Variants in IMMP2L observed in about 807,000 individuals in gnomAD.
IMMP2L encodes the protein mitochondrial inner membrane protease subunit 2.
IMMP2L carries 18 observed loss-of-function variants against 19.3 expected under a neutral mutation model. The ratio of observed to expected loss-of-function variants is 0.93; its 90% CI spans 0.64 to 1.38. The LOEUF (loss-of-function observed/expected upper bound fraction) is 1.38. IMMP2L is among the 40% of genes most tolerant of loss of function. The pLI is 0.00. For missense variants in IMMP2L, 233 were observed against 218.2 expected, an observed-to-expected ratio of 1.07 and a Z score of -0.43; for synonymous variants, 76 against 73.0, an observed-to-expected ratio of 1.04 and a Z score of -0.21.
intron 5 of IMMP2L, among the ~76,000 whole-genome samples, chr7:110,741,318 A>G (rs890761962): frequency 6.6e-6 from 1 of 152,254 alleles, no homozygotes; most frequent in Non-Finnish European, 1.5e-5. Context: ...AAAATAAAAT[A>G]CAAATAAATT....
At chr7:111,335,772 G>A (rs545050244) in intron 3 of IMMP2L, among the ~76,000 whole-genome samples, 12 of 152,188 alleles carry the variant, frequency 7.9e-5, no homozygotes, top group East Asian at 5.8e-4. Context: ...ATTGTAAATC[G>A]TTTAAAGGTG....
chr7:111,146,219 A>G (rs183374961), intron 3 of IMMP2L, among the ~76,000 whole-genome samples: 3 of 130,870 alleles, frequency 2.3e-5, no homozygotes, highest in African/African-American at 8.5e-5. Context: ...ATGGTTTTTT[A>G]TGAGGAAGGA....
At chr7:111,098,692 TAA>T (rs1446120536) in intron 3 of IMMP2L, among the ~76,000 whole-genome samples, 1 of 151,756 alleles carries the variant, frequency 6.6e-6, no homozygotes, top group Non-Finnish European at 1.5e-5. Flanking sequence ...ACGACCGTAC[TAA>T]GTAAGCGCTA....
At chr7:110,937,246 A>C (rs990659009) in intron 4 of IMMP2L, among the ~76,000 whole-genome samples, 3 of 152,148 alleles carry the variant, frequency 2.0e-5, no homozygotes, top group Non-Finnish European at 4.4e-5. Context: ...AAAGCCAAAA[A>C]TAAAAGTGCA....
At chr7:110,712,565 T>C (rs1269352411) in intron 5 of IMMP2L, among the ~76,000 whole-genome samples, 1 of 28,210 alleles carries the variant, frequency 3.5e-5, no homozygotes, top group African/African-American at 1.6e-4. Flanking sequence ...GCTGCTTTGT[T>C]TACCTAAGCA....
At chr7:111,055,012 T>C (rs1793367355) in intron 3 of IMMP2L, among the ~76,000 whole-genome samples, 1 of 139,144 alleles carries the variant, frequency 7.2e-6, no homozygotes, top group East Asian at 2.5e-4. Flanking sequence ...CTCCCACCCA[T>C]CCCTTTCTCT....
At chr7:111,532,648 A>G (rs1847507706) in intron 1 of IMMP2L, 1 of 152,178 alleles carries the variant, frequency 6.6e-6, no homozygotes. Flanking sequence ...GAAAAATACA[A>G]TTTAACCAGC....
chr7:110,914,231 T>C (rs936682161), intron 4 of IMMP2L, among the ~76,000 whole-genome samples: 1 of 152,174 alleles, frequency 6.6e-6, no homozygotes, highest in Non-Finnish European at 1.5e-5. Context: ...AGGATCCTGA[T>C]CTCACTCGTT....
intron 3 of IMMP2L, among the ~76,000 whole-genome samples, chr7:111,222,915 G>C (rs1253845521): frequency 6.6e-6 from 1 of 151,716 alleles, no homozygotes; most frequent in African/African-American, 2.4e-5. Context: ...GAATTGAAAA[G>C]AACCTACACA....
chr7:110,907,278 G>A (rs951077422), intron 4 of IMMP2L, among the ~76,000 whole-genome samples: 11 of 152,102 alleles, frequency 7.2e-5, no homozygotes, highest in African/African-American at 2.7e-4. Context: ...GTAAATTTAG[G>A]AGCTCTCAGT....
chr7:111,097,709 G>T (rs570854034), intron 3 of IMMP2L, among the ~76,000 whole-genome samples: 1 of 151,844 alleles, frequency 6.6e-6, no homozygotes, highest in South Asian at 2.1e-4. Context: ...GAGTGTTAAT[G>T]GGGTCTAAAT....
At chr7:110,920,749 T>C (rs970764491) in intron 4 of IMMP2L, among the ~76,000 whole-genome samples, 1 of 152,202 alleles carries the variant, frequency 6.6e-6, no homozygotes, top group Non-Finnish European at 1.5e-5. Flanking sequence ...TCATACTACT[T>C]CTTTGCCCCA....
At chr7:111,284,080 A>G (rs1032288156) in intron 3 of IMMP2L, among the ~76,000 whole-genome samples, 2 of 152,142 alleles carry the variant, frequency 1.3e-5, no homozygotes, top group African/African-American at 2.4e-5. Context: ...ATATATAACA[A>G]AAGTTTTTCA....
intron 5 of IMMP2L, among the ~76,000 whole-genome samples, chr7:110,670,139 G>A (rs1444507290): frequency 1.3e-5 from 2 of 152,084 alleles, no homozygotes; most frequent in East Asian, 1.9e-4. Flanking sequence ...GTGACCTTAC[G>A]AGAAGAGGAG....
intron 3 of IMMP2L, among the ~76,000 whole-genome samples, chr7:111,166,373 T>C (rs2129608035): frequency 6.6e-6 from 1 of 152,148 alleles, no homozygotes; most frequent in African/African-American, 2.4e-5. Context: ...CCTGGCCTGC[T>C]TGAAAGTAAA....
rs150810241 is a variant in IMMP2L, at chr7:110,969,269, T to C, written c.240-5704A>G. 7.0e-3 allele frequency among the ~76,000 whole-genome samples: 1,073 copies of C among 152,214 alleles called. 12 individuals are homozygous for C. The highest frequency in any genetic ancestry group is 0.025 in the African/African-American group (1,019 of 41,556). Reference sequence around the variant, plus strand: ...TTAATGATTCATTTATAAAATTCAATACCGTTTCATTAATTAGCACTCTCA... The same window carrying C: ...TTAATGATTCATTTATAAAATTCAACACCGTTTCATTAATTAGCACTCTCA... On this transcript the variant is annotated intron_variant, in intron 3 of 5. Coordinates refer to ENST00000405709, the MANE Select transcript of IMMP2L (RefSeq NM_032549.4).
chr7:111,233,651 G>A (rs1813962832), intron 3 of IMMP2L, among the ~76,000 whole-genome samples: 1 of 152,046 alleles, frequency 6.6e-6, no homozygotes. Flanking sequence ...AGATTTGTAA[G>A]TATATATTTG....
chr7:110,891,525 C>T (rs948240673), intron 4 of IMMP2L, among the ~76,000 whole-genome samples: 1 of 152,180 alleles, frequency 6.6e-6, no homozygotes, highest in Non-Finnish European at 1.5e-5. Flanking sequence ...TTACAAATCT[C>T]ATTTGGAAAT....
chr7:110,869,792 A>G (rs1808362120), intron 5 of IMMP2L, among the ~76,000 whole-genome samples: 1 of 152,114 alleles, frequency 6.6e-6, no homozygotes, highest in Non-Finnish European at 1.5e-5. Context: ...TTCTATTTAG[A>G]TACTCAGAAT....
Sources: gnomAD v4.1 joint callset for allele counts (sites outside exome capture counted in the v4.1 genomes callset) on GRCh38, gnomAD v4.1.1 for gene constraint, MANE v1.5 for transcripts, NCBI Gene and HGNC (gene_info 2026-07-23, HGNC 2026-07-21) for gene names.